The following PBLD variants were observed in gnomAD, a reference collection of about 807,000 sequenced individuals.
The protein encoded by PBLD is phenazine biosynthesis like protein domain containing, also known as phenazine biosynthesis-like domain-containing protein.
PBLD carries 26 observed loss-of-function variants against 31.3 expected under a neutral mutation model. That is an observed-to-expected ratio of 0.83 (90% CI 0.61 to 1.15). The LOEUF (loss-of-function observed/expected upper bound fraction) is 1.15. Among genes scored for constraint, PBLD ranks in the 50% most tolerant of loss-of-function variants. The pLI is 0.00. For synonymous variants in PBLD, 114 were observed against 129.0 expected (o/e 0.88, Z 0.79); for missense variants, 307 against 351.7 (o/e 0.87, Z 1.02).
chr10:68,301,766 T>A (rs909005010), intron 2 of PBLD, among the ~76,000 whole-genome samples: 1 of 152,316 alleles, frequency 6.6e-6, no homozygotes, highest in Non-Finnish European at 1.5e-5. Flanking sequence ...GGTAATAGAT[T>A]TCTTTGCAAA....
At chr10:68,296,681 T>G (rs1030517837) in intron 3 of PBLD, among the ~76,000 whole-genome samples, 1 of 152,158 alleles carries the variant, frequency 6.6e-6, no homozygotes, top group Non-Finnish European at 1.5e-5. Context: ...TAAAAAATAA[T>G]TTCTGATGTC....
Position 68,332,773 on chromosome 10 carries a change from G to C in PBLD, c.-60+11C>G, listed in dbSNP as rs1356265309. ...GCGGCCTCCCTTCCTCCGCAGTCTC[G>C]GCAGGGCTACCTGGGCTGACGGGAC... On this transcript the variant is annotated intron_variant, in intron 1 of 9. Transcript: ENST00000358769. 1 of 152,276 alleles carries C rather than the reference G, an allele frequency of 6.6e-6. No homozygotes were observed. Among genetic ancestry groups the C allele is most frequent in the African/African-American group, 2.4e-5 (1 of 41,450 alleles). The allele number at this position is 152,276 out of a possible 1,614,324, so 9.4% of individuals were successfully genotyped here.
At chr10:68,304,085 A>G (rs2044544856) in intron 2 of PBLD, among the ~76,000 whole-genome samples, 1 of 152,150 alleles carries the variant, frequency 6.6e-6, no homozygotes, top group Admixed American at 6.5e-5. Context: ...GTCCAATATT[A>G]TAAGATTTAG....
intron 9 of PBLD, 74 bp downstream of exon 9, chr10:68,285,274 G>T: frequency 6.2e-7 from 1 of 1,612,222 alleles, no homozygotes. Context: ...TTTTCAAGGG[G>T]ATAGTACATA....
At chr10:68,288,894 GC>G in intron 7 of PBLD, 36 bp downstream of exon 7, 2 of 1,567,362 alleles carry the variant, frequency 1.3e-6, no homozygotes, top group African/African-American at 2.7e-5. Context: ...TGGGTACTCA[GC>G]CCTCCCCAAA....
At chr10:68,290,647 G>A (rs375546696) in intron 6 of PBLD, among the ~76,000 whole-genome samples, 1 of 150,902 alleles carries the variant, frequency 6.6e-6, no homozygotes, top group Non-Finnish European at 1.5e-5. Context: ...AACCCAGGAG[G>A]TGAAGGTTGT....
chr10:68,304,994 G>T (rs1425495528), intron 2 of PBLD, among the ~76,000 whole-genome samples: 1 of 152,174 alleles, frequency 6.6e-6, no homozygotes, highest in African/African-American at 2.4e-5. Flanking sequence ...TAGAGTTAAG[G>T]TAAGACAAGG....
intron 1 of PBLD, among the ~76,000 whole-genome samples, chr10:68,311,595 A>AT: frequency 6.6e-6 from 1 of 151,544 alleles, no homozygotes; most frequent in African/African-American, 2.4e-5. Context: ...CAAAAAAAAA[A>AT]GAAAAAATTA....
intron 1 of PBLD, chr10:68,331,585 C>T (rs1159490250): frequency 6.6e-6 from 1 of 152,266 alleles, no homozygotes; most frequent in Non-Finnish European, 1.5e-5. Flanking sequence ...TCCTATTTTT[C>T]ACCGCACAAT....
chr10:68,328,351 T>C (rs2044956558), intron 1 of PBLD, among the ~76,000 whole-genome samples: 1 of 152,220 alleles, frequency 6.6e-6, no homozygotes, highest in South Asian at 2.1e-4. Context: ...TTTTCGTTAA[T>C]GTGCCTTCCC....
intron 1 of PBLD, among the ~76,000 whole-genome samples, chr10:68,330,539 A>AT (rs1377158225): frequency 1.3e-5 from 2 of 151,870 alleles, no homozygotes; most frequent in African/African-American, 4.8e-5. Context: ...ACTTGCACTG[A>AT]TTTTTTTGGG....
intron 8 of PBLD, 81 bp from the exon 9 acceptor site, chr10:68,285,491 C>A: frequency 6.6e-7 from 1 of 1,522,928 alleles, no homozygotes; most frequent in South Asian, 1.3e-5. Flanking sequence ...CAATTACAAT[C>A]AATTATCCAG....
At chr10:68,318,119 T>C (rs1020434172) in intron 1 of PBLD, among the ~76,000 whole-genome samples, 9 of 150,972 alleles carry the variant, frequency 6.0e-5, no homozygotes, top group Admixed American at 1.3e-4. Context: ...CCCAGCTACT[T>C]GGGAGGCTGA....
At chr10:68,286,768 A>G (rs2044293366) in intron 8 of PBLD, among the ~76,000 whole-genome samples, 1 of 152,236 alleles carries the variant, frequency 6.6e-6, no homozygotes, top group South Asian at 2.1e-4. Context: ...AAAATGAAAT[A>G]ACAAAATATA....
At chr10:68,316,319 T>A (rs1281982713) in intron 1 of PBLD, among the ~76,000 whole-genome samples, 1 of 151,872 alleles carries the variant, frequency 6.6e-6, no homozygotes, top group Non-Finnish European at 1.5e-5. Flanking sequence ...CAAGTAGAAA[T>A]TGTAGAGATT....
At chr10:68,318,871 C>G (rs2044774897) in intron 1 of PBLD, among the ~76,000 whole-genome samples, 1 of 151,560 alleles carries the variant, frequency 6.6e-6, no homozygotes, top group South Asian at 2.1e-4. Flanking sequence ...TTCACAGCTG[C>G]AGTGAGGTAT....
chr10:68,310,365 G>GTATA (rs34887418), intron 1 of PBLD, among the ~76,000 whole-genome samples: 14,467 of 140,046 alleles, frequency 0.1, 1,358 homozygotes, highest in East Asian at 0.28. Context: ...ATGTTTTGAA[G>GTATA]TATATATATA....
intron 1 of PBLD, among the ~76,000 whole-genome samples, chr10:68,308,637 C>T (rs1255961657): frequency 3.3e-5 from 5 of 150,412 alleles, no homozygotes; most frequent in African/African-American, 1.2e-4. Flanking sequence ...CAACCTCTGC[C>T]TCCTGGGTTC....
chr10:68,330,695 G>A (rs1006456566), intron 1 of PBLD, among the ~76,000 whole-genome samples: 2 of 150,082 alleles, frequency 1.3e-5, no homozygotes, highest in Non-Finnish European at 3.0e-5. Context: ...ACAGGGGCCC[G>A]CCACCACGCC....
Sources: gnomAD v4.1 joint callset for allele counts (sites outside exome capture counted in the v4.1 genomes callset) on GRCh38, gnomAD v4.1.1 for gene constraint, MANE v1.5 for transcripts, NCBI Gene and HGNC (gene_info 2026-07-23, HGNC 2026-07-21) for gene names.